Variants in ANKLE2 observed in about 807,000 individuals in gnomAD.
ANKLE2 encodes ankyrin repeat and LEM domain-containing protein 2.
ANKLE2 carries 55 observed loss-of-function variants against 84.2 expected under a neutral mutation model. That is an observed-to-expected ratio of 0.65 (90% CI 0.53 to 0.82). ANKLE2 has a LOEUF of 0.82. ANKLE2 is among the 40% of genes least tolerant of loss of function. The pLI is 0.00. For missense variants in ANKLE2, 1,238 were observed against 1,201.9 expected, an observed-to-expected ratio of 1.03 and a Z score of -0.44; for synonymous variants, 551 against 486.1, an observed-to-expected ratio of 1.13 and a Z score of -1.76.
At position 132,734,395 on chromosome 12, in the gene ANKLE2, G is replaced by A. The variant is rs2043962529; in HGVS notation, c.1881C>T (p.Ala627=). ...CCTGCACATGCTTACCAGACGTGGTGGCTTTATCTCGGCAGGAGGCTTCCC... is the reference window on the plus strand; with the variant it reads ...CCTGCACATGCTTACCAGACGTGGTAGCTTTATCTCGGCAGGAGGCTTCCC... ...GEREASCRDK[A]TTSGSNSISV... is the part of the protein sequence containing the mutation. The change falls in exon 10 of 13, where the codon GCC becomes GCT. Residue 627 remains alanine (A), a synonymous_variant. Transcript: ENST00000357997. The A allele has an allele frequency of 3.7e-6, 6 of 1,613,928 alleles. No individual in the cohort carries two copies. Among genetic ancestry groups the A allele is most frequent in the African/African-American group, 1.3e-5 (1 of 74,918 alleles).
intron 8 of ANKLE2, among the ~76,000 whole-genome samples, chr12:132,735,967 T>C (rs2044000601): frequency 6.6e-6 from 1 of 152,246 alleles, no homozygotes; most frequent in African/African-American, 2.4e-5. Flanking sequence ...CTTTTTTGTT[T>C]TGGAGACGGA....
Position 132,732,825 on chromosome 12 carries a change from T to C in ANKLE2, c.1891+1560A>G, listed in dbSNP as rs1451286193. On this transcript the variant is annotated intron_variant, in intron 10 of 12. Transcript: ENST00000357997. ...GCGTCCTGGTGTCTGACGTGCACCA[T>C]GTGAAGCCCTCTGCGTGCTGGTGTC... Among the ~76,000 whole-genome samples, 3 of 136,080 alleles carry C rather than the reference T, an allele frequency of 2.2e-5. 1 individual carries two copies. Among genetic ancestry groups the C allele is most frequent in the Non-Finnish European group, 3.2e-5 (2 of 62,732 alleles). The allele number at this position is 136,080 out of a possible 152,430, so 89.3% of individuals were successfully genotyped here.
Position 132,736,953 on chromosome 12 carries a change from G to C in ANKLE2, c.1533C>G (p.Gly511=), listed in dbSNP as rs1043138566. 1 of 1,613,886 alleles carries C rather than the reference G, an allele frequency of 6.2e-7. No individual in the cohort carries two copies. The highest frequency in any genetic ancestry group is 8.5e-7 in the Non-Finnish European group (1 of 1,179,846). Residue 511 remains glycine, a synonymous_variant, in exon 8 of 13, where the codon GGC becomes GGG. Transcript: ENST00000357997. ...GGGTCAGTACCGGGTCTCTGGGGCT[G>C]CCTCCATAGCGGCTGACGTGAGAGG... The part of the protein sequence containing the change: ...AEASHVSRYG[G]SPRDPVLTLR...
At chr12:132,733,635 C>T (rs1202561134) in intron 10 of ANKLE2, among the ~76,000 whole-genome samples, 1 of 150,298 alleles carries the variant, frequency 6.7e-6, no homozygotes, top group East Asian at 2.0e-4. Flanking sequence ...AAGCTCTCTG[C>T]GTCCTGGTGT....
At chr12:132,730,541 G>A (rs956132629) in intron 10 of ANKLE2, 6 of 427,808 alleles carry the variant, frequency 1.4e-5, no homozygotes, top group Non-Finnish European at 2.5e-5. Flanking sequence ...AGGCTGCTGG[G>A]GCCAGGCACA....
Position 132,727,238 on chromosome 12 carries a change from A to G in ANKLE2, c.*4T>C. On this transcript the variant is annotated 3_prime_UTR_variant, in exon 13 of 13. Transcript: ENST00000357997. ...AAGAACAAACCGAGAGCCCAGCGCCAAGCCTACAGGGCGGCAAGCTCAGCC... is the reference window on the plus strand; with the variant it reads ...AAGAACAAACCGAGAGCCCAGCGCCGAGCCTACAGGGCGGCAAGCTCAGCC... 6.5e-7 allele frequency: 1 copy of G among 1,547,830 alleles called. No homozygotes were observed. The highest frequency in any genetic ancestry group is 8.7e-7 in the Non-Finnish European group (1 of 1,144,246).
rs375660677 is a variant in ANKLE2, at chr12:132,734,340, G to A, written c.1891+45C>T. The A allele has an allele frequency of 1.8e-5, 28 of 1,597,294 alleles. No homozygotes were observed. In the East Asian group the frequency reaches 2.5e-4, roughly 14 times the overall value. On this transcript the variant is annotated intron_variant, in intron 10 of 12. Coordinates refer to ENST00000357997, the MANE Select transcript of ANKLE2 (RefSeq NM_015114.3). ...GCGCATCCCGTCAGACCCCGGCCAT[G>A]GGGGGCCCCTCCCAGCTGCCACAGC...
intron 10 of ANKLE2, 103 bp downstream of exon 10, chr12:132,734,282 C>T (rs1032451424): frequency 9.6e-6 from 12 of 1,253,724 alleles, no homozygotes; most frequent in African/African-American, 1.5e-5. Flanking sequence ...CAGACCTTTA[C>T]GTTAAAAACA....
At chr12:132,731,129 G>A (rs958513652) in intron 10 of ANKLE2, 5 of 152,208 alleles carry the variant, frequency 3.3e-5, no homozygotes, top group Admixed American at 1.3e-4. Flanking sequence ...TGGTGGCCGC[G>A]GCCACAGGAG....
Position 132,729,942 on chromosome 12 carries a change from A to G in ANKLE2, c.2220T>C (p.Asn740=), listed in dbSNP as rs753636070. The G allele has an allele frequency of 1.2e-6, 2 of 1,613,414 alleles. No individual in the cohort carries two copies. The highest frequency in any genetic ancestry group is 1.7e-5 in the Admixed American group (1 of 59,992). Residue 740 remains asparagine, a synonymous_variant, in exon 11 of 13, where the codon AAT becomes AAC. Transcript: ENST00000357997. ...SDLTVEFDKL[N]LQNIGRSVSK... ...AAACGCTACGTCCTATATTTTGCAA[A>G]TTCAGTTTATCAAACTCAACAGTCA... is the stretch of plus-strand genomic sequence containing the variant.
At chr12:132,748,375 A>G (rs1195613431) in intron 3 of ANKLE2, 44 bp from the exon 4 acceptor site, 25 of 1,608,826 alleles carry the variant, frequency 1.6e-5, no homozygotes, top group Non-Finnish European at 2.0e-5. Flanking sequence ...GTTTCACCAA[A>G]AGTCACTCAT....
rs947870303 is a variant in ANKLE2, at chr12:132,729,937, T to C, written c.2225A>G (p.Gln742Arg). 1.2e-6 allele frequency: 2 copies of C among 1,613,632 alleles called. No individual in the cohort carries two copies. Among genetic ancestry groups the C allele is most frequent in the Admixed American group, 3.3e-5 (2 of 60,012 alleles). The change falls in exon 11 of 13, where the codon CAA becomes CGA. Residue 742 changes from glutamine (Q) to arginine (R), a missense_variant. Physicochemically the swap from Gln to Arg is conservative, Grantham distance 43. Around this residue, in one of 3 missense-constraint regions of ANKLE2, gnomAD observed 802 missense variants for 774.5 expected, o/e 1.04. Coordinates refer to ENST00000357997, the MANE Select transcript of ANKLE2 (RefSeq NM_015114.3). ...LTVEFDKLNL[Q>R]NIGRSVSKTP... ...CTTGGAAACGCTACGTCCTATATTTTGCAAATTCAGTTTATCAAACTCAAC... is the reference window on the plus strand; with the variant it reads ...CTTGGAAACGCTACGTCCTATATTTCGCAAATTCAGTTTATCAAACTCAAC...
intron 12 of ANKLE2, among the ~76,000 whole-genome samples, chr12:132,727,694 G>A (rs1379283853): frequency 6.6e-5 from 10 of 150,614 alleles, no homozygotes; most frequent in African/African-American, 2.2e-4. Context: ...ACATGCGTCT[G>A]GGTGGAGGAG....
intron 2 of ANKLE2, 31 bp downstream of exon 2, chr12:132,754,644 T>C (rs781340369): frequency 1.3e-6 from 2 of 1,565,206 alleles, no homozygotes; most frequent in South Asian, 1.2e-5. Flanking sequence ...GTGCTATCTG[T>C]GTGAGGAAAT....
intron 3 of ANKLE2, 33 bp from the exon 4 acceptor site, chr12:132,748,364 A>G (rs1262105867): frequency 6.2e-7 from 1 of 1,612,074 alleles, no homozygotes; most frequent in Non-Finnish European, 8.5e-7. Flanking sequence ...AAGAACAATC[A>G]GTTTCACCAA....
chr12:132,759,027 TCGCTGCGGAGTGG>T lies in ANKLE2; in HGVS notation c.181+2578_181+2590del, dbSNP rs1287414709. 11 of 134,828 alleles carry T rather than the reference TCGCTGCGGAGTGG, an allele frequency of 8.2e-5. 1 individual carries two copies. The highest frequency in any genetic ancestry group is 6.9e-4 in the East Asian group (3 of 4,364). 8.4% of individuals were successfully genotyped at this position (134,828 alleles called of 1,614,324 possible). On this transcript the variant is annotated intron_variant, in intron 1 of 12. Coordinates refer to ENST00000357997, the MANE Select transcript of ANKLE2 (RefSeq NM_015114.3). ...CGGGGCACCCACGTGGCAGAGTGGA[TCGCTGCGGAGTGG>T]CACCCCGGGGCACCCACGTGGCAGA... is the stretch of plus-strand genomic sequence containing the variant.
At position 132,743,066 on chromosome 12, in the gene ANKLE2, G is replaced by T; in HGVS notation, c.1353+88C>A. 1 of 1,306,814 alleles carries T rather than the reference G, an allele frequency of 7.7e-7. No individual in the cohort carries two copies. Among genetic ancestry groups the T allele is most frequent in the Non-Finnish European group, 1.0e-6 (1 of 971,778 alleles). 81.0% of individuals were successfully genotyped at this position (1,306,814 alleles called of 1,614,324 possible). A position where few individuals can be genotyped will look rare whatever the true frequency, so the allele number is the denominator to read the frequency against. On this transcript the variant is annotated intron_variant, in intron 6 of 12. Transcript: ENST00000357997. This position sits in a 1 kb window ranked among gnomAD's most constrained non-coding sequence, Gnocchi z 4.1. ...CACAACTCATACAGAGCTCCTTGTG[G>T]CTTCCCTGTGCCTGTGATCACAGAC... is the stretch of plus-strand genomic sequence containing the variant.
At chr12:132,736,519 G>A (rs1411825122) in intron 8 of ANKLE2, among the ~76,000 whole-genome samples, 4 of 152,196 alleles carry the variant, frequency 2.6e-5, no homozygotes, top group African/African-American at 7.2e-5. Context: ...GGAGGTGGAC[G>A]TGCAGATGGA....
chr12:132,745,880 C>A (rs751161670), intron 5 of ANKLE2, among the ~76,000 whole-genome samples: 1 of 152,226 alleles, frequency 6.6e-6, no homozygotes, highest in Non-Finnish European at 1.5e-5. Context: ...ATAGTCCTGC[C>A]CATCCACAAG....
Sources: allele counts gnomAD v4.1 joint callset (sites outside exome capture counted in the v4.1 genomes callset), GRCh38; gene constraint gnomAD v4.1.1; regional missense constraint gnomAD v4.1.1; non-coding constraint Gnocchi (gnomAD v3.1); transcripts MANE v1.5; gene names NCBI Gene and HGNC (gene_info 2026-07-23, HGNC 2026-07-21).